Variants in KCNB2 observed in about 807,000 individuals in gnomAD.
KCNB2 encodes potassium voltage-gated channel subfamily B member 2.
Under a neutral mutation model 61.5 loss-of-function variants are expected in KCNB2, and 15 were observed. The ratio of observed to expected loss-of-function variants is 0.24; its 90% CI spans 0.16 to 0.38. The LOEUF (loss-of-function observed/expected upper bound fraction) is 0.38, where lower values mean the gene tolerates loss of function less well. KCNB2 is among the 10% of genes least tolerant of loss of function. The probability of loss-of-function intolerance (pLI) is 1.00; values close to 1 mark genes in which losing one functional copy is unlikely to be tolerated. For missense variants in KCNB2, 828 were observed against 1,125.2 expected, an observed-to-expected ratio of 0.74 and a Z score of 3.78; for synonymous variants, 457 against 446.0, an observed-to-expected ratio of 1.02 and a Z score of -0.31.
At chr8:72,806,574 C>T (rs529504741) in intron 2 of KCNB2, among the ~76,000 whole-genome samples, 1 of 151,452 alleles carries the variant, frequency 6.6e-6, no homozygotes, top group South Asian at 2.1e-4. Context: ...GAGATTGCAC[C>T]ACTGCACTCC....
At chr8:72,933,041 GATA>G (rs1285832073) in intron 2 of KCNB2, among the ~76,000 whole-genome samples, 30 of 152,298 alleles carry the variant, frequency 2.0e-4, no homozygotes, top group Middle Eastern at 3.4e-3. Context: ...ACATGAGAAA[GATA>G]ATAATGCACT....
At chr8:72,631,531 C>T (rs1338708800) in intron 2 of KCNB2, among the ~76,000 whole-genome samples, 1 of 152,174 alleles carries the variant, frequency 6.6e-6, no homozygotes, top group Non-Finnish European at 1.5e-5. Context: ...GATTAGGGCT[C>T]ACCCTAATGA....
At chr8:72,800,211 T>C (rs1052952010) in intron 2 of KCNB2, among the ~76,000 whole-genome samples, 1 of 152,156 alleles carries the variant, frequency 6.6e-6, no homozygotes, top group Admixed American at 6.6e-5. Flanking sequence ...CTTCATAGGC[T>C]GGAGAGGATA....
intron 2 of KCNB2, among the ~76,000 whole-genome samples, chr8:72,610,281 A>C (rs1459394836): frequency 6.6e-6 from 1 of 152,180 alleles, no homozygotes. Context: ...TTCTTGCTTA[A>C]ATCAGTGGGA....
At chr8:72,619,670 C>T (rs948036353) in intron 2 of KCNB2, among the ~76,000 whole-genome samples, 4 of 152,016 alleles carry the variant, frequency 2.6e-5, no homozygotes, top group African/African-American at 9.7e-5. Flanking sequence ...ATTTTCATTT[C>T]AAGAATTTTA....
At chr8:72,655,885 A>G (rs1355412906) in intron 2 of KCNB2, among the ~76,000 whole-genome samples, 2 of 152,086 alleles carry the variant, frequency 1.3e-5, no homozygotes, top group African/African-American at 2.4e-5. Flanking sequence ...TCAGTGCTAG[A>G]TGCTGTTTTT....
chr8:72,576,441 G>C (rs1261545356), intron 2 of KCNB2, among the ~76,000 whole-genome samples: 1 of 152,172 alleles, frequency 6.6e-6, no homozygotes, highest in South Asian at 2.1e-4. Context: ...ATGTGGCATA[G>C]TAGAGATTTA....
chr8:72,656,256 G>C (rs553745516), intron 2 of KCNB2, among the ~76,000 whole-genome samples: 1 of 152,172 alleles, frequency 6.6e-6, no homozygotes, highest in Non-Finnish European at 1.5e-5. Context: ...CAAGGCAAAA[G>C]ATTAAAAAGG....
chr8:72,617,157 C>T (rs909304512), intron 2 of KCNB2, among the ~76,000 whole-genome samples: 2 of 152,152 alleles, frequency 1.3e-5, no homozygotes, highest in African/African-American at 4.8e-5. Flanking sequence ...CCTCTCTTTC[C>T]TCCACTTTTC....
At chr8:72,863,905 G>A (rs1002432425) in intron 2 of KCNB2, among the ~76,000 whole-genome samples, 2 of 152,208 alleles carry the variant, frequency 1.3e-5, no homozygotes, top group Admixed American at 6.5e-5. Context: ...TTGAGAGGCT[G>A]AGGTGGGAGG....
intron 2 of KCNB2, among the ~76,000 whole-genome samples, chr8:72,623,105 C>A (rs1052061680): frequency 3.3e-5 from 5 of 152,176 alleles, no homozygotes; most frequent in Non-Finnish European, 5.9e-5. Context: ...ATTATACTGC[C>A]ATTTCACTGC....
At chr8:72,625,007 C>T (rs1164726452) in intron 2 of KCNB2, among the ~76,000 whole-genome samples, 2 of 152,146 alleles carry the variant, frequency 1.3e-5, no homozygotes. Context: ...TGAATTCCAC[C>T]AACAAAAGCA....
intron 2 of KCNB2, among the ~76,000 whole-genome samples, chr8:72,734,261 G>T (rs188309773): frequency 1.3e-5 from 2 of 152,130 alleles, no homozygotes; most frequent in African/African-American, 4.8e-5. Context: ...CAGCTTTGGT[G>T]AAAATAAGAG....
chr8:72,599,344 T>G (rs533897526), intron 2 of KCNB2, among the ~76,000 whole-genome samples: 8 of 152,244 alleles, frequency 5.3e-5, no homozygotes, highest in South Asian at 4.2e-4. Flanking sequence ...AACAAGCAAT[T>G]GGGAAAGGAT....
intron 2 of KCNB2, among the ~76,000 whole-genome samples, chr8:72,620,596 GTATTTTATTT>G (rs1243396371): frequency 7.2e-5 from 11 of 152,024 alleles, no homozygotes; most frequent in South Asian, 2.1e-4. Flanking sequence ...TTCCAGTACT[GTATTTTATTT>G]TATTTTATTT....
intron 2 of KCNB2, among the ~76,000 whole-genome samples, chr8:72,582,612 T>C (rs1179344567): frequency 6.6e-6 from 1 of 152,180 alleles, no homozygotes; most frequent in Non-Finnish European, 1.5e-5. Flanking sequence ...AAGTTCTTTT[T>C]AAAACTTGTA....
chr8:72,770,339 A>G (rs1808538351), intron 2 of KCNB2, among the ~76,000 whole-genome samples: 1 of 152,218 alleles, frequency 6.6e-6, no homozygotes, highest in African/African-American at 2.4e-5. Flanking sequence ...TTATTAAGAC[A>G]TAGGTTTTGT....
chr8:72,722,345 A>G (rs920840836), intron 2 of KCNB2, among the ~76,000 whole-genome samples: 1 of 152,148 alleles, frequency 6.6e-6, no homozygotes, highest in South Asian at 2.1e-4. Context: ...TTGCTTGCAC[A>G]ATTAAGGCAA....
chr8:72,687,039 G>A (rs1806864791), intron 2 of KCNB2, among the ~76,000 whole-genome samples: 1 of 152,184 alleles, frequency 6.6e-6, no homozygotes, highest in Admixed American at 6.5e-5. Flanking sequence ...TCTGTGGGAA[G>A]TCACTTGAGA....
Sources: gnomAD v4.1 joint callset for allele counts (sites outside exome capture counted in the v4.1 genomes callset) on GRCh38, gnomAD v4.1.1 for gene constraint, MANE v1.5 for transcripts, NCBI Gene and HGNC (gene_info 2026-07-23, HGNC 2026-07-21) for gene names.